SPTLC1: variants seen among roughly 807,000 people sequenced by gnomAD.
The protein encoded by SPTLC1 is serine palmitoyltransferase long chain base subunit 1, also known as serine palmitoyltransferase 1.
SPTLC1 carries 55 observed loss-of-function variants against 68.9 expected under a neutral mutation model. That is an observed-to-expected ratio of 0.80 (90% confidence interval 0.64 to 1.00). The LOEUF is 1.00. Among genes scored for constraint, SPTLC1 ranks in the 50% least tolerant of loss-of-function variants. SPTLC1 has a pLI of 0.00. For synonymous variants in SPTLC1, 197 were observed against 201.6 expected, an observed-to-expected ratio of 0.98 and a Z score of 0.19; for missense variants, 449 against 573.1, an observed-to-expected ratio of 0.78 and a Z score of 2.21.
intron 6 of SPTLC1, among the ~76,000 whole-genome samples, chr9:92,066,824 C>A (rs996099842): frequency 6.6e-6 from 1 of 151,132 alleles, no homozygotes; most frequent in African/African-American, 2.4e-5. Flanking sequence ...ACTAAAAATA[C>A]AAAAAATTAG....
At chr9:92,079,516 T>C (rs202080725) in intron 5 of SPTLC1, 1 of 1,613,834 alleles carries the variant, frequency 6.2e-7, no homozygotes, top group African/African-American at 1.3e-5. Context: ...TTAGTTGGCC[T>C]GTTCCCGGAT....
intron 3 of SPTLC1, among the ~76,000 whole-genome samples, chr9:92,099,718 G>C (rs567226593): frequency 1.3e-5 from 2 of 152,154 alleles, no homozygotes; most frequent in Admixed American, 1.3e-4. Flanking sequence ...CTGGGCTCAA[G>C]TGACCTGCCC....
Position 92,115,317 on chromosome 9 carries a change from G to A in SPTLC1, c.54C>T (p.Tyr18=), listed in dbSNP as rs762385001. 1.2e-6 allele frequency: 2 copies of A among 1,612,052 alleles called. No homozygotes were observed. Among genetic ancestry groups the A allele is most frequent in the African/African-American group, 2.7e-5 (2 of 75,004 alleles). Residue 18 remains tyrosine (Y), a synonymous_variant, in exon 1 of 15, where the codon TAC becomes TAT. Transcript: ENST00000262554. ...CCGCTAATGGCGCGGAGCCCACCTC[G>A]TAAAGCGCCTGTACCATCTCCACCA... ...WVLVEMVQAL[Y]EAPAYHLILE...
At chr9:92,100,373 TG>T (rs1001510780) in intron 3 of SPTLC1, among the ~76,000 whole-genome samples, 1 of 152,210 alleles carries the variant, frequency 6.6e-6, no homozygotes, top group African/African-American at 2.4e-5. Context: ...CATGAACTAG[TG>T]GTCACTGCCT....
Position 92,050,307 on chromosome 9 carries a change from T to C in SPTLC1, c.781-240A>G, listed in dbSNP as rs149627303. Reference sequence around the variant, plus strand: ...AGAATTTGAATTACCTGACACGTGTTTTCCCAGGTGAGGGTGAACAGGCGA... The same window carrying C: ...AGAATTTGAATTACCTGACACGTGTCTTCCCAGGTGAGGGTGAACAGGCGA... On this transcript the variant is annotated intron_variant, in intron 8 of 14. Transcript: ENST00000262554. The C allele has an allele frequency of 1.5e-3, 678 of 453,090 alleles. 13 individuals are homozygous for C. The Admixed American group carries it at 0.021, about 14-fold the overall frequency. The allele number at this position is 453,090 out of a possible 1,614,324, so 28.1% of individuals were successfully genotyped here.
intron 1 of SPTLC1, among the ~76,000 whole-genome samples, chr9:92,114,361 A>C (rs888516286): frequency 2.8e-4 from 42 of 152,252 alleles, no homozygotes; most frequent in African/African-American, 1.0e-3. Flanking sequence ...ATGAATGAAC[A>C]CTAAGATTGA....
Position 92,049,758 on chromosome 9 carries a change from A to G in SPTLC1, c.888+202T>C, listed in dbSNP as rs77683424. On this transcript the variant is annotated intron_variant, in intron 9 of 14. Coordinates refer to ENST00000262554, the MANE Select transcript of SPTLC1 (RefSeq NM_006415.4). ...AACCATGACTACCCACTCCGAGTTT[A>G]TAAGTGCAGAAGGAAGATGGGGTTC... is the stretch of plus-strand genomic sequence containing the variant. Among the ~76,000 whole-genome samples, 103 of 152,346 alleles carry G rather than the reference A, an allele frequency of 6.8e-4. 1 individual carries two copies. The highest frequency in any genetic ancestry group is 6.0e-3 in the East Asian group (31 of 5,188).
At chr9:92,091,836 CAG>C in intron 3 of SPTLC1, among the ~76,000 whole-genome samples, 1 of 152,292 alleles carries the variant, frequency 6.6e-6, no homozygotes, top group Non-Finnish European at 1.5e-5. Flanking sequence ...AAATTGAAAA[CAG>C]AGTCCTATTA....
intron 5 of SPTLC1, among the ~76,000 whole-genome samples, chr9:92,076,007 G>A (rs528486704): frequency 6.6e-6 from 1 of 152,242 alleles, no homozygotes; most frequent in East Asian, 1.9e-4. Flanking sequence ...AGGAAAAGCT[G>A]GATAGGCCAT....
intron 5 of SPTLC1, among the ~76,000 whole-genome samples, chr9:92,074,240 G>A (rs756972909): frequency 1.1e-4 from 17 of 151,770 alleles, no homozygotes; most frequent in Non-Finnish European, 8.8e-5. Context: ...TGTTTCCCTT[G>A]CCCCCACAAC....
At chr9:92,047,858 T>C (rs1005154536) in intron 9 of SPTLC1, 150 bp from the exon 10 acceptor site, 7 of 645,534 alleles carry the variant, frequency 1.1e-5, no homozygotes, top group Middle Eastern at 3.4e-4. Context: ...AAATAAACCA[T>C]ATAACATCTA....
chr9:92,034,984 T>G, intron 13 of SPTLC1, 101 bp from the exon 14 acceptor site: 3 of 964,216 alleles, frequency 3.1e-6, no homozygotes, highest in Non-Finnish European at 5.1e-6. Context: ...TTTAATTCAC[T>G]TTTCCAATTA....
intron 3 of SPTLC1, among the ~76,000 whole-genome samples, chr9:92,101,588 A>G (rs868588271): frequency 1.7e-5 from 2 of 120,392 alleles, no homozygotes; most frequent in African/African-American, 1.0e-4. Context: ...AAAAAGAGAA[A>G]AGAAAAAAGA....
chr9:92,060,885 C>T (rs1834073719), intron 6 of SPTLC1, among the ~76,000 whole-genome samples: 1 of 149,520 alleles, frequency 6.7e-6, no homozygotes. Context: ...TGCATTCCAG[C>T]CTGGGTGACA....
chr9:92,092,223 G>A (rs1835386347), intron 3 of SPTLC1, among the ~76,000 whole-genome samples: 1 of 152,080 alleles, frequency 6.6e-6, no homozygotes. Context: ...TGGAACATTT[G>A]CAAAATTTAC....
intron 3 of SPTLC1, among the ~76,000 whole-genome samples, chr9:92,081,564 T>G (rs1834886145): frequency 6.6e-6 from 1 of 152,172 alleles, no homozygotes; most frequent in African/African-American, 2.4e-5. Flanking sequence ...GACAGGAGAA[T>G]GGGCTCCTGA....
chr9:92,059,626 C>T (rs1031653378), intron 6 of SPTLC1, among the ~76,000 whole-genome samples: 1 of 152,198 alleles, frequency 6.6e-6, no homozygotes, highest in Admixed American at 6.5e-5. Context: ...ACATAAAATA[C>T]TGGTGTGCCT....
intron 3 of SPTLC1, among the ~76,000 whole-genome samples, chr9:92,102,200 TAAAG>T (rs1835779142): frequency 6.6e-6 from 1 of 152,146 alleles, no homozygotes; most frequent in Non-Finnish European, 1.5e-5. Flanking sequence ...CATCAGAAAT[TAAAG>T]AAATAAAGTC....
chr9:92,115,134 T>G (rs1272843469), intron 1 of SPTLC1, 180 bp downstream of exon 1: 592 of 290,602 alleles, frequency 2.0e-3, no homozygotes, highest in East Asian at 3.4e-3. Flanking sequence ...CCCCCGCCCG[T>G]TCCTCCCTAC....
Sources: gnomAD v4.1 joint callset for allele counts (sites outside exome capture counted in the v4.1 genomes callset) on GRCh38, gnomAD v4.1.1 for gene constraint, MANE v1.5 for transcripts, NCBI Gene and HGNC (gene_info 2026-07-23, HGNC 2026-07-21) for gene names.